TOX: variants seen among roughly 807,000 people sequenced by gnomAD.
TOX encodes thymocyte selection-associated high mobility group box protein TOX.
A neutral mutation model predicts 53.7 loss-of-function variants in TOX; 11 were observed. That is an observed-to-expected ratio of 0.20 (90% CI 0.13 to 0.34). The LOEUF (loss-of-function observed/expected upper bound fraction) is 0.34, where lower values mean the gene tolerates loss of function less well. Ranked by LOEUF, TOX falls within the 10% of genes least tolerant of loss-of-function variation. The probability of loss-of-function intolerance (pLI) is 1.00; values close to 1 mark genes in which losing one functional copy is unlikely to be tolerated. For missense variants in TOX, 570 were observed against 664.6 expected (o/e 0.86, Z 1.56); for synonymous variants, 225 against 245.3 (o/e 0.92, Z 0.77).
At chr8:59,072,751 C>A (rs996960280) in intron 1 of TOX, among the ~76,000 whole-genome samples, 1 of 152,092 alleles carries the variant, frequency 6.6e-6, no homozygotes, top group Non-Finnish European at 1.5e-5. Context: ...TTTTATGTCA[C>A]AGCTATTTCA....
At chr8:59,013,081 T>C (rs1813939428) in intron 1 of TOX, among the ~76,000 whole-genome samples, 1 of 152,230 alleles carries the variant, frequency 6.6e-6, no homozygotes, top group Admixed American at 6.5e-5. Flanking sequence ...CATTTTTACC[T>C]ATTCCTTCAT....
chr8:58,838,361 G>A (rs766746231), intron 4 of TOX, 50 bp from the exon 5 acceptor site: 2 of 1,484,962 alleles, frequency 1.3e-6, no homozygotes, highest in Admixed American at 3.4e-5. Context: ...ACAATTTGGG[G>A]ACAAGACATA....
chr8:59,018,130 G>A (rs189057921), intron 1 of TOX, among the ~76,000 whole-genome samples: 1 of 152,238 alleles, frequency 6.6e-6, no homozygotes, highest in East Asian at 1.9e-4. Context: ...TTCATAATGT[G>A]CCACTGTTCA....
chr8:59,028,932 A>G (rs1478091240), intron 1 of TOX, among the ~76,000 whole-genome samples: 1 of 152,142 alleles, frequency 6.6e-6, no homozygotes, highest in East Asian at 1.9e-4. Flanking sequence ...TTAGTCAATA[A>G]CTTAGCAAAC....
At chr8:59,006,491 C>T (rs1422959666) in intron 1 of TOX, among the ~76,000 whole-genome samples, 1 of 152,108 alleles carries the variant, frequency 6.6e-6, no homozygotes, top group Non-Finnish European at 1.5e-5. Flanking sequence ...TAATTAGGTA[C>T]ATGTTTATGT....
At chr8:59,002,035 C>T (rs549931295) in intron 1 of TOX, among the ~76,000 whole-genome samples, 29 of 145,706 alleles carry the variant, frequency 2.0e-4, no homozygotes, top group Non-Finnish European at 4.2e-4. Flanking sequence ...GGTGCAACGG[C>T]ACAATGTCGA....
chr8:59,016,279 C>A (rs1235878339), intron 1 of TOX, among the ~76,000 whole-genome samples: 2 of 152,032 alleles, frequency 1.3e-5, no homozygotes, highest in Non-Finnish European at 2.9e-5. Context: ...ATAACCAGGA[C>A]AAAATAAACC....
intron 1 of TOX, among the ~76,000 whole-genome samples, chr8:59,032,527 T>C (rs937964631): frequency 6.6e-6 from 1 of 152,138 alleles, no homozygotes; most frequent in Non-Finnish European, 1.5e-5. Flanking sequence ...TCACCTCCAA[T>C]TGCATTCCTC....
chr8:59,024,915 T>C (rs751253920), intron 1 of TOX, among the ~76,000 whole-genome samples: 5 of 152,202 alleles, frequency 3.3e-5, no homozygotes, highest in African/African-American at 4.8e-5. Context: ...TTTTAATTAA[T>C]AGGATTATTA....
rs191314996 is a variant in TOX at position 58,926,270 on chromosome 8, T to A, written c.411+13032A>T. On this transcript the variant is annotated intron_variant, in intron 3 of 8. Coordinates refer to ENST00000361421, the MANE Select transcript of TOX (RefSeq NM_014729.3). ...GAGAGGAAGATGGCTGGTTTCATGATGGCCTCATGATCCTCTGTGGACCAG... is the reference window on the plus strand; with the variant it reads ...GAGAGGAAGATGGCTGGTTTCATGAAGGCCTCATGATCCTCTGTGGACCAG... 6.7e-3 allele frequency among the ~76,000 whole-genome samples: 1,021 copies of A among 152,254 alleles called. 6 individuals are homozygous for A. The highest frequency in any genetic ancestry group is 0.024 in the African/African-American group (977 of 41,544).
intron 1 of TOX, among the ~76,000 whole-genome samples, chr8:59,053,684 G>C (rs1330653932): frequency 1.3e-5 from 2 of 152,192 alleles, no homozygotes; most frequent in East Asian, 3.8e-4. Flanking sequence ...TTGGATCAAT[G>C]TGTAAGTGGT....
chr8:59,105,345 T>C (rs1804882540), intron 1 of TOX, among the ~76,000 whole-genome samples: 1 of 152,192 alleles, frequency 6.6e-6, no homozygotes, highest in Non-Finnish European at 1.5e-5. Flanking sequence ...GTGAAATGCA[T>C]TCAGCTGAGC....
intron 6 of TOX, 71 bp downstream of exon 6, chr8:58,826,751 C>T: frequency 4.4e-6 from 6 of 1,355,764 alleles, no homozygotes; most frequent in Non-Finnish European, 6.0e-6. Flanking sequence ...TCTTTTATGC[C>T]TTTAAGTGAC....
chr8:58,911,813 C>T (rs1242119087), intron 3 of TOX, among the ~76,000 whole-genome samples: 11 of 152,144 alleles, frequency 7.2e-5, no homozygotes, highest in Admixed American at 7.2e-4. Flanking sequence ...CAGTGATTCT[C>T]TGCCTCAGTC....
intron 1 of TOX, among the ~76,000 whole-genome samples, chr8:58,966,159 CT>C (rs1285779195): frequency 6.6e-5 from 10 of 152,002 alleles, no homozygotes; most frequent in Non-Finnish European, 1.5e-4. Flanking sequence ...GAAGAGGTGT[CT>C]ATTTATCTGC....
chr8:58,852,677 T>C (rs1438666186), intron 3 of TOX, among the ~76,000 whole-genome samples: 3 of 152,160 alleles, frequency 2.0e-5, no homozygotes, highest in Non-Finnish European at 4.4e-5. Context: ...CTTAAAATAA[T>C]GGAGAATATT....
At chr8:59,067,480 A>G (rs1804114976) in intron 1 of TOX, among the ~76,000 whole-genome samples, 1 of 152,218 alleles carries the variant, frequency 6.6e-6, no homozygotes, top group South Asian at 2.1e-4. Flanking sequence ...GCTTGAACCC[A>G]GGAGGCAGAG....
chr8:59,084,413 G>C (rs1804472591), intron 1 of TOX, among the ~76,000 whole-genome samples: 1 of 152,104 alleles, frequency 6.6e-6, no homozygotes, highest in Admixed American at 6.6e-5. Flanking sequence ...TTTTAAGTGA[G>C]AGACAGATAA....
intron 1 of TOX, among the ~76,000 whole-genome samples, chr8:58,964,283 C>T (rs1563402698): frequency 6.6e-6 from 1 of 152,136 alleles, no homozygotes; most frequent in African/African-American, 2.4e-5. Context: ...GAATCTTGAG[C>T]TGCCAAATAA....
Sources: allele counts gnomAD v4.1 joint callset (sites outside exome capture counted in the v4.1 genomes callset), GRCh38; gene constraint gnomAD v4.1.1; transcripts MANE v1.5; gene names NCBI Gene and HGNC (gene_info 2026-07-23, HGNC 2026-07-21).